Variants in RASA3 observed in about 807,000 individuals in gnomAD.
RASA3 encodes the protein ras GTPase-activating protein 3.
Under a neutral mutation model 110.0 loss-of-function variants are expected in RASA3, and 73 were observed. That is an observed-to-expected ratio of 0.66 (90% CI 0.55 to 0.81). The LOEUF (loss-of-function observed/expected upper bound fraction) is 0.81. Ranked by LOEUF, RASA3 falls within the 30% of genes least tolerant of loss-of-function variation. The pLI is 0.00. For missense variants in RASA3, 976 were observed against 1,113.2 expected, an observed-to-expected ratio of 0.88 and a Z score of 1.75; for synonymous variants, 500 against 451.4, an observed-to-expected ratio of 1.11 and a Z score of -1.37.
chr13:114,059,964 T>C (rs61973903), intron 2 of RASA3, among the ~76,000 whole-genome samples: 116 of 152,348 alleles, frequency 7.6e-4, no homozygotes, highest in Non-Finnish European at 1.3e-3. Flanking sequence ...GGGGCAGCAC[T>C]GTGGCCTCGC....
rs1279324287 is a variant in RASA3, at chr13:114,013,619, CATCT to C, written c.1406-375_1406-372del. Among the ~76,000 whole-genome samples the C allele has an allele frequency of 8.1e-5, 5 of 61,418 alleles. 1 individual carries two copies. Among genetic ancestry groups the C allele is most frequent in the African/African-American group, 2.1e-4 (3 of 14,176 alleles). The allele number at this position is 61,418 out of a possible 152,430, so 40.3% of individuals were successfully genotyped here. On this transcript the variant is annotated intron_variant, in intron 14 of 23. Coordinates refer to ENST00000334062, the MANE Select transcript of RASA3 (RefSeq NM_007368.4). Reference sequence around the variant, plus strand: ...CCGTCTCTGGCTCTCTCCCCCCCTCCATCTGTCTCTCTCTCTCTCCATCTCTTTG... The same window carrying C: ...CCGTCTCTGGCTCTCTCCCCCCCTCCGTCTCTCTCTCTCTCCATCTCTTTG...
At chr13:114,076,785 C>A (rs1239359334) in intron 1 of RASA3, among the ~76,000 whole-genome samples, 1 of 152,122 alleles carries the variant, frequency 6.6e-6, no homozygotes, top group East Asian at 1.9e-4. Flanking sequence ...GGACAGGGGC[C>A]CCTCCAGCCT....
At chr13:114,039,574 G>A (rs1478421518) in intron 4 of RASA3, among the ~76,000 whole-genome samples, 1 of 152,236 alleles carries the variant, frequency 6.6e-6, no homozygotes, top group Admixed American at 6.5e-5. Context: ...CCCAGGGTTG[G>A]GCCACGGTGC....
chr13:114,041,858 A>C (rs2054416216), intron 3 of RASA3, among the ~76,000 whole-genome samples: 1 of 152,194 alleles, frequency 6.6e-6, no homozygotes, highest in Non-Finnish European at 1.5e-5. Context: ...AGAGCCTGAA[A>C]GTGTAGATTC....
intron 3 of RASA3, among the ~76,000 whole-genome samples, chr13:114,046,287 C>A (rs2079051839): frequency 6.6e-6 from 1 of 152,188 alleles, no homozygotes; most frequent in Non-Finnish European, 1.5e-5. Flanking sequence ...TAGCTTCACT[C>A]AGGAAAGAAT....
chr13:114,004,843 C>A (rs1187843101), intron 18 of RASA3, among the ~76,000 whole-genome samples: 1 of 152,214 alleles, frequency 6.6e-6, no homozygotes, highest in Non-Finnish European at 1.5e-5. Context: ...CGCTGAACCA[C>A]TCACAACAGC....
At chr13:114,051,762 G>A (rs1482009153) in intron 3 of RASA3, among the ~76,000 whole-genome samples, 1 of 152,070 alleles carries the variant, frequency 6.6e-6, no homozygotes, top group East Asian at 1.9e-4. Flanking sequence ...GAACAGCCCT[G>A]GGAAGTTGTC....
intron 1 of RASA3, among the ~76,000 whole-genome samples, chr13:114,113,006 C>A (rs2080238256): frequency 1.3e-5 from 2 of 152,272 alleles, no homozygotes; most frequent in East Asian, 1.9e-4. Flanking sequence ...AGAGGCCGAC[C>A]AGGACTCCAG....
At chr13:114,107,220 G>A (rs75816030) in intron 1 of RASA3, among the ~76,000 whole-genome samples, 1,794 of 152,284 alleles carry the variant, frequency 0.012, 30 homozygotes, top group African/African-American at 0.039. Flanking sequence ...TCCTCGCAGG[G>A]GACAGGCCTG....
chr13:114,015,089 G>A (rs2053757958), intron 14 of RASA3, 120 bp downstream of exon 14: 6 of 1,355,604 alleles, frequency 4.4e-6, no homozygotes, highest in Non-Finnish European at 5.1e-6. Flanking sequence ...TCGGAACTGG[G>A]GTTCACGACC....
rs1462878109 is a variant in RASA3 at position 114,115,446 on chromosome 13, A to G, written c.55+16989T>C. On this transcript the variant is annotated intron_variant, in intron 1 of 23. Coordinates refer to ENST00000334062, the MANE Select transcript of RASA3 (RefSeq NM_007368.4). The surrounding 1 kb of genome is among the most constrained non-coding windows in gnomAD (Gnocchi z 5.0). ...GCGGGGGAGGTGCCTGCCTGCGTGA[A>G]GACTGGTCACAAGACAACTTCCCAG... 1.3e-5 allele frequency among the ~76,000 whole-genome samples: 2 copies of G among 152,236 alleles called. No individual in the cohort carries two copies. Among genetic ancestry groups the G allele is most frequent in the African/African-American group, 4.8e-5 (2 of 41,464 alleles).
intron 20 of RASA3, 28 bp from the exon 21 acceptor site, chr13:113,996,767 C>T (rs752869210): frequency 1.6e-5 from 26 of 1,595,788 alleles, no homozygotes; most frequent in African/African-American, 4.0e-5. Flanking sequence ...CTCAGGACAG[C>T]GCACATGAGG....
intron 1 of RASA3, among the ~76,000 whole-genome samples, chr13:114,080,490 G>A (rs1030397428): frequency 1.3e-5 from 2 of 152,178 alleles, no homozygotes; most frequent in Non-Finnish European, 2.9e-5. Flanking sequence ...GAGGGCACGG[G>A]AGGTTCTGCT....
intron 1 of RASA3, among the ~76,000 whole-genome samples, chr13:114,125,862 G>GCACCCTCCAGAGGTACTGGCACCT (rs1566591737): frequency 1.9e-4 from 29 of 149,694 alleles, no homozygotes; most frequent in Admixed American, 1.5e-3. Flanking sequence ...GTTCCACAAC[G>GCACCCTCCAGAGGTACTGGCACCT]GCTGTCCAAC....
chr13:113,980,272 C>A (rs1006028947), intron 23 of RASA3, among the ~76,000 whole-genome samples: 1 of 146,878 alleles, frequency 6.8e-6, no homozygotes, highest in African/African-American at 2.6e-5. Flanking sequence ...CATGTGCGCA[C>A]CTCCTCCCAC....
intron 4 of RASA3, among the ~76,000 whole-genome samples, chr13:114,040,518 C>G (rs1402390255): frequency 7.2e-6 from 1 of 139,370 alleles, no homozygotes; most frequent in Non-Finnish European, 1.5e-5. Context: ...ACGCACAACC[C>G]AAAATCCATG....
chr13:114,079,250 C>G (rs1346340365), intron 1 of RASA3, among the ~76,000 whole-genome samples: 3 of 152,226 alleles, frequency 2.0e-5, no homozygotes, highest in Non-Finnish European at 4.4e-5. Flanking sequence ...CACGTCATCA[C>G]GGCGTTTTAC....
intron 1 of RASA3, among the ~76,000 whole-genome samples, chr13:114,121,877 G>A (rs1297595068): frequency 1.3e-5 from 2 of 152,202 alleles, no homozygotes; most frequent in African/African-American, 4.8e-5. Context: ...TCTCTCTCCT[G>A]CCTCGCACCA....
intron 18 of RASA3, among the ~76,000 whole-genome samples, chr13:114,005,092 C>T (rs770664626): frequency 2.6e-5 from 4 of 152,158 alleles, no homozygotes; most frequent in Non-Finnish European, 4.4e-5. Context: ...CTCTGGGACA[C>T]GTATTCGGAA....
Sources: gnomAD v4.1 joint callset for allele counts (sites outside exome capture counted in the v4.1 genomes callset) on GRCh38, gnomAD v4.1.1 for gene constraint, Gnocchi (gnomAD v3.1) non-coding constraint, MANE v1.5 for transcripts, NCBI Gene and HGNC (gene_info 2026-07-23, HGNC 2026-07-21) for gene names.